MTUS2: variants seen among roughly 807,000 people sequenced by gnomAD.
MTUS2 encodes microtubule associated scaffold protein 2.
A neutral mutation model predicts 114.1 loss-of-function variants in MTUS2; 40 were observed. The observed-to-expected ratio is 0.35, with a 90% CI of 0.27 to 0.46. The LOEUF (loss-of-function observed/expected upper bound fraction) is 0.46, where lower values mean the gene tolerates loss of function less well. Ranked by LOEUF, MTUS2 falls within the 20% of genes least tolerant of loss-of-function variation. The pLI is 1.00. For missense variants in MTUS2, 1,679 were observed against 1,705.4 expected, an observed-to-expected ratio of 0.98 and a Z score of 0.27; for synonymous variants, 688 against 672.0, an observed-to-expected ratio of 1.02 and a Z score of -0.37.
chr13:29,435,344 A>G (rs1272961172), intron 8 of MTUS2, among the ~76,000 whole-genome samples: 1 of 152,138 alleles, frequency 6.6e-6, no homozygotes, highest in African/African-American at 2.4e-5. Context: ...TGTACTTGGC[A>G]CTCATTAGGA....
intron 5 of MTUS2, among the ~76,000 whole-genome samples, chr13:29,249,180 G>A (rs1029302298): frequency 2.6e-5 from 4 of 151,818 alleles, no homozygotes; most frequent in Non-Finnish European, 4.4e-5. Context: ...TAGTAGAGAT[G>A]GGGTTTCACC....
At chr13:29,361,371 A>G (rs1236543494) in intron 8 of MTUS2, among the ~76,000 whole-genome samples, 1 of 152,340 alleles carries the variant, frequency 6.6e-6, no homozygotes, top group Non-Finnish European at 1.5e-5. Flanking sequence ...TTCACCTCCC[A>G]CACAATGTAT....
In MTUS2 at chr13:29,317,684, C is replaced by T. The variant is rs9508349; in HGVS notation, c.2807-6929C>T. On this transcript the variant is annotated intron_variant, in intron 6 of 15. Transcript: ENST00000612955. Reference sequence around the variant, plus strand: ...CCATCTCCTGACCTCGTGATCCACCCGCCTCGGCCTCCCAAAGTGCTGGGA... The same window carrying T: ...CCATCTCCTGACCTCGTGATCCACCTGCCTCGGCCTCCCAAAGTGCTGGGA... Among the ~76,000 whole-genome samples, 94 of 30,678 alleles carry T rather than the reference C, an allele frequency of 3.1e-3. 34 individuals carry two copies. Among genetic ancestry groups the T allele is most frequent in the Non-Finnish European group, 2.8e-3 (46 of 16,364 alleles). The allele number at this position is 30,678 out of a possible 152,430, so 20.1% of individuals were successfully genotyped here. A position where few individuals can be genotyped will look rare whatever the true frequency, so the allele number is the denominator to read the frequency against.
chr13:28,993,526 G>A (rs1345860567), intron 2 of MTUS2, among the ~76,000 whole-genome samples: 1 of 152,084 alleles, frequency 6.6e-6, no homozygotes, highest in Non-Finnish European at 1.5e-5. Context: ...TTTTCTTTTA[G>A]GATTCTTATA....
At chr13:29,125,083 T>C (rs368353370) in intron 5 of MTUS2, among the ~76,000 whole-genome samples, 4 of 152,216 alleles carry the variant, frequency 2.6e-5, no homozygotes, top group South Asian at 4.1e-4. Flanking sequence ...AGTAAAATTA[T>C]ATTATGTGAA....
At chr13:29,108,360 G>A (rs1329902249) in intron 5 of MTUS2, among the ~76,000 whole-genome samples, 1 of 152,132 alleles carries the variant, frequency 6.6e-6, no homozygotes, top group Non-Finnish European at 1.5e-5. Context: ...TAGATTGCAA[G>A]CATGTTTTGT....
chr13:29,206,324 T>C (rs1331184661), intron 5 of MTUS2, among the ~76,000 whole-genome samples: 5 of 152,226 alleles, frequency 3.3e-5, no homozygotes, highest in Non-Finnish European at 4.4e-5. Flanking sequence ...GTCAGATGCA[T>C]AGTTTTCAAA....
At chr13:28,856,383 C>G (rs1182246572) in intron 2 of MTUS2, among the ~76,000 whole-genome samples, 1 of 152,136 alleles carries the variant, frequency 6.6e-6, no homozygotes, top group Non-Finnish European at 1.5e-5. Flanking sequence ...CCAAATGCAG[C>G]CAACAATGTG....
At chr13:29,045,546 A>G (rs1337858701) in intron 4 of MTUS2, among the ~76,000 whole-genome samples, 2 of 152,214 alleles carry the variant, frequency 1.3e-5, no homozygotes, top group East Asian at 1.9e-4. Context: ...TGAAGGGGCA[A>G]TCATTGAGGG....
At chr13:29,023,471 A>G (rs1056826601) in intron 2 of MTUS2, among the ~76,000 whole-genome samples, 17 of 152,230 alleles carry the variant, frequency 1.1e-4, no homozygotes, top group African/African-American at 3.9e-4. Flanking sequence ...GCACACACAC[A>G]TACATACACG....
chr13:28,939,713 A>G (rs1181046124), intron 2 of MTUS2, among the ~76,000 whole-genome samples: 2 of 152,170 alleles, frequency 1.3e-5, no homozygotes, highest in Non-Finnish European at 2.9e-5. Flanking sequence ...TCACCTGCTG[A>G]AAAAACTAGG....
chr13:29,289,051 T>G (rs1898601412), intron 6 of MTUS2, among the ~76,000 whole-genome samples: 1 of 152,262 alleles, frequency 6.6e-6, no homozygotes. Flanking sequence ...CCTATTTTTG[T>G]ATAGCAAATT....
intron 2 of MTUS2, among the ~76,000 whole-genome samples, chr13:28,845,112 C>T (rs1414139201): frequency 6.6e-6 from 1 of 152,056 alleles, no homozygotes; most frequent in Non-Finnish European, 1.5e-5. Flanking sequence ...TGTCACCAGG[C>T]CTGGCCAGTT....
At chr13:29,020,848 GAA>G (rs11307768) in intron 2 of MTUS2, among the ~76,000 whole-genome samples, 11 of 146,616 alleles carry the variant, frequency 7.5e-5, no homozygotes, top group Admixed American at 1.4e-4. Flanking sequence ...CAGGACGTGG[GAA>G]AAAAAAAAAA....
rs1381305564 is a variant in MTUS2, at chr13:29,480,296, G to A, written c.3331G>A (p.Glu1111Lys). Residue 1111 changes from glutamate (E) to lysine (K), a missense_variant, in exon 10 of 16, where the codon GAA becomes AAA. This residue lies in a region of MTUS2 where 822 missense variants were observed against 899.7 expected (regional missense o/e 0.91). Transcript: ENST00000612955. This position sits in a 1 kb window ranked among gnomAD's most constrained non-coding sequence, Gnocchi z 4.4. ...EERLQLQFEA[E>K]MARLQEEHGD... The stretch of plus-strand genomic sequence containing the variant: ...GCGGCTGCAGCTGCAATTCGAGGCG[G>A]AAATGGCGCGCCTGCAGGAGGAGCA... 2 of 1,555,692 alleles carry A rather than the reference G, an allele frequency of 1.3e-6. No individual in the cohort carries two copies. Among genetic ancestry groups the A allele is most frequent in the East Asian group, 4.8e-5 (2 of 41,474 alleles).
chr13:29,220,633 C>T (rs1020188042), intron 5 of MTUS2, among the ~76,000 whole-genome samples: 2 of 152,158 alleles, frequency 1.3e-5, no homozygotes, highest in African/African-American at 2.4e-5. Flanking sequence ...TTAAATTTGC[C>T]ATCTTATATG....
At chr13:28,975,310 G>A (rs1000753395) in intron 2 of MTUS2, among the ~76,000 whole-genome samples, 9 of 152,182 alleles carry the variant, frequency 5.9e-5, no homozygotes, top group African/African-American at 1.7e-4. Flanking sequence ...CCTGCTTCCC[G>A]ACTTGCTTCT....
intron 8 of MTUS2, among the ~76,000 whole-genome samples, chr13:29,375,565 AT>A (rs1566163362): frequency 4.6e-4 from 2 of 4,376 alleles, no homozygotes; most frequent in Non-Finnish European, 1.3e-3. Context: ...ATACGTATAT[AT>A]ATATATACAT....
In MTUS2 at chr13:29,026,331, A is replaced by G. The variant is rs1162634476; in HGVS notation, c.1633A>G (p.Thr545Ala). 6.2e-7 allele frequency: 1 copy of G among 1,613,830 alleles called. No individual in the cohort carries two copies. Among genetic ancestry groups the G allele is most frequent in the Non-Finnish European group, 8.5e-7 (1 of 1,179,892 alleles). Residue 545 changes from threonine to alanine, a missense_variant, in exon 3 of 16, where the codon ACC becomes GCC. Thr to Ala is a moderately conservative substitution (Grantham distance 58, BLOSUM62 0). Around this residue, in one of 3 missense-constraint regions of MTUS2, gnomAD observed 843 missense variants for 770.8 expected, o/e 1.09. Transcript: ENST00000612955. ...PLHPETTVNM[T>A]YQPTTPSSSF... ...CCACCCAGAGACAACTGTGAACATG[A>G]CCTACCAGCCTACAACACCCAGTAG...
Sources: allele counts gnomAD v4.1 joint callset (sites outside exome capture counted in the v4.1 genomes callset), GRCh38; gene constraint gnomAD v4.1.1; regional missense constraint gnomAD v4.1.1; non-coding constraint Gnocchi (gnomAD v3.1); transcripts MANE v1.5; gene names NCBI Gene and HGNC (gene_info 2026-07-23, HGNC 2026-07-21).